LONP1: variants seen among roughly 807,000 people sequenced by gnomAD.
LONP1 encodes lon peptidase 1, mitochondrial, also known as lon protease homolog, mitochondrial.
Under a neutral mutation model 98.5 loss-of-function variants are expected in LONP1, and 31 were observed. The observed-to-expected ratio is 0.31, with a 90% CI of 0.24 to 0.42. LONP1 has a LOEUF of 0.42. Ranked by LOEUF, LONP1 falls within the 20% of genes least tolerant of loss-of-function variation. The pLI is 1.00. For synonymous variants in LONP1, 781 were observed against 594.7 expected (o/e 1.31, Z -4.56); for missense variants, 1,336 against 1,350.6 (o/e 0.99, Z 0.17).
chr19:5,693,661 A>G lies in LONP1; in HGVS notation c.2429T>C (p.Met810Thr). The change falls in exon 16 of 18, where the codon ATG becomes ACG. Residue 810 changes from methionine (M) to threonine (T), a missense_variant. Transcript: ENST00000360614. ...GTAGGCTATGCGGGCGCTCTCCTTC[A>G]TCACCTCCCCCAGCTGGCCTGTCAC... Reference protein sequence around the residue: ...LEVTGQLGEVMKESARIAYTF... With the variant: ...LEVTGQLGEVTKESARIAYTF... 2 of 1,613,960 alleles carry G rather than the reference A, an allele frequency of 1.2e-6. No homozygotes were observed. The highest frequency in any genetic ancestry group is 1.7e-6 in the Non-Finnish European group (2 of 1,179,950).
chr19:5,708,155 T>TGAGTCGGCCCCGGGCCTCCC (rs2055177670), intron 5 of LONP1, 187 bp downstream of exon 5: 1 of 632,570 alleles, frequency 1.6e-6, no homozygotes, highest in Non-Finnish European at 2.7e-6. Context: ...CTGGGCCTGC[T>TGAGTCGGCCCCGGGCCTCCC]GAGTCGGCCC....
chr19:5,719,763 G>A lies in LONP1; in HGVS notation c.370C>T (p.Leu124=), dbSNP rs2055398452. ...PMTIPDVFPH[L]PLIAITRNPV... ...TTGCGGGTGATGGCGATGAGCGGCA[G>A]GTGCGGAAACACATCGGGGATCGTC... Residue 124 remains leucine (L), a synonymous_variant, in exon 1 of 18, where the codon CTG becomes TTG. Coordinates refer to ENST00000360614, the MANE Select transcript of LONP1 (RefSeq NM_004793.4). 14 of 1,613,674 alleles carry A rather than the reference G, an allele frequency of 8.7e-6. No homozygotes were observed. Among genetic ancestry groups the A allele is most frequent in the Non-Finnish European group, 1.1e-5 (13 of 1,180,002 alleles).
intron 10 of LONP1, among the ~76,000 whole-genome samples, chr19:5,698,116 T>C (rs1232514971): frequency 4.3e-5 from 3 of 69,574 alleles, no homozygotes; most frequent in South Asian, 9.9e-4. Flanking sequence ...AAAGCTGCAC[T>C]GGCCCCACCT....
intron 8 of LONP1, among the ~76,000 whole-genome samples, chr19:5,702,080 G>GGTGGGGA (rs2055058567): frequency 3.1e-5 from 4 of 127,334 alleles, no homozygotes; most frequent in African/African-American, 1.1e-4. Flanking sequence ...GGAGGTGGGG[G>GGTGGGGA]GGTCAGCCCC....
chr19:5,717,699 T>C (rs117207605), intron 1 of LONP1: 3,809 of 152,238 alleles, frequency 0.025, 63 homozygotes, highest in East Asian at 0.036. Flanking sequence ...ATGTCAGAAG[T>C]ACACCAAAGA....
intron 17 of LONP1, among the ~76,000 whole-genome samples, 161 bp downstream of exon 17, chr19:5,693,137 G>A (rs1315364319): frequency 6.6e-6 from 1 of 152,188 alleles, no homozygotes; most frequent in East Asian, 1.9e-4. Context: ...AGGCAGCTAG[G>A]GCGGTGAGCT....
At position 5,716,713 on chromosome 19, in the gene LONP1, C is replaced by T. The variant is rs141034290; in HGVS notation, c.430-2442G>A. Among the ~76,000 whole-genome samples the T allele has an allele frequency of 2.4e-3, 372 of 152,220 alleles. 8 individuals carry two copies. The East Asian group carries it at 0.026, about 11-fold the overall frequency. On this transcript the variant is annotated intron_variant, in intron 1 of 17. Coordinates refer to ENST00000360614, the MANE Select transcript of LONP1 (RefSeq NM_004793.4). ...GCATTTGGACAAAAAGTTTTCTTAG[C>T]AAGACAATTTTACTTTCTGAAGAAA...
chr19:5,692,057 G>T lies in LONP1; in HGVS notation c.2855C>A (p.Ala952Glu). ...IFDIAFPDEQ[A>E]EALAVER ...TCACCGTTCCACGGCCAGCGCCTCTGCCTGCTCGTCCGGGAAGGCGATGTC... is the reference window on the plus strand; with the variant it reads ...TCACCGTTCCACGGCCAGCGCCTCTTCCTGCTCGTCCGGGAAGGCGATGTC... Residue 952 changes from alanine to glutamate, a missense_variant, in exon 18 of 18, where the codon GCA (alanine) becomes GAA (glutamate). Transcript: ENST00000360614. 3 of 1,613,786 alleles carry T rather than the reference G, an allele frequency of 1.9e-6. No homozygotes were observed. Among genetic ancestry groups the T allele is most frequent in the South Asian group, 1.1e-5 (1 of 91,068 alleles).
intron 1 of LONP1, among the ~76,000 whole-genome samples, chr19:5,718,885 T>G (rs2055371688): frequency 6.6e-6 from 1 of 152,114 alleles, no homozygotes; most frequent in Non-Finnish European, 1.5e-5. Context: ...CTCTACAGTA[T>G]TCTCAGAACT....
At chr19:5,718,618 C>T (rs775887762) in intron 1 of LONP1, among the ~76,000 whole-genome samples, 3 of 151,920 alleles carry the variant, frequency 2.0e-5, no homozygotes, top group Non-Finnish European at 4.4e-5. Context: ...GGAGAGTGAG[C>T]GCAGAGGCTG....
At chr19:5,709,665 T>C (rs1419384048) in intron 4 of LONP1, among the ~76,000 whole-genome samples, 1 of 151,898 alleles carries the variant, frequency 6.6e-6, no homozygotes, top group Non-Finnish European at 1.5e-5. Context: ...ACCCCAGCAC[T>C]TTGGGATGCT....
At chr19:5,710,590 C>T (rs1218664262) in intron 4 of LONP1, among the ~76,000 whole-genome samples, 1 of 151,978 alleles carries the variant, frequency 6.6e-6, no homozygotes, top group Non-Finnish European at 1.5e-5. Flanking sequence ...ATTGCCCAGG[C>T]TGGTTTTGAA....
intron 9 of LONP1, among the ~76,000 whole-genome samples, chr19:5,700,135 C>T (rs887355900): frequency 6.6e-6 from 1 of 151,844 alleles, no homozygotes; most frequent in Admixed American, 6.6e-5. Flanking sequence ...CTTTTTGAGA[C>T]GGAGTTTCAC....
At chr19:5,713,298 G>A (rs769820379) in intron 2 of LONP1, 45 bp from the exon 3 acceptor site, 14 of 1,610,814 alleles carry the variant, frequency 8.7e-6, no homozygotes, top group African/African-American at 8.0e-5. Flanking sequence ...TGGCTTTCAT[G>A]CTAGGCAGGA....
intron 5 of LONP1, among the ~76,000 whole-genome samples, 156 bp downstream of exon 5, chr19:5,708,186 T>C (rs1030621633): frequency 1.3e-5 from 2 of 152,222 alleles, no homozygotes; most frequent in South Asian, 4.1e-4. Context: ...ACCTGCCCCA[T>C]GCCCCAGTGG....
intron 14 of LONP1, 95 bp downstream of exon 14, chr19:5,694,666 C>CGGGGTGGTGGGGTGATGGGCGT: frequency 2.4e-5 from 38 of 1,563,714 alleles, no homozygotes; most frequent in Non-Finnish European, 3.2e-5. Context: ...GTGATGGGCG[C>CGGGGTGGTGGGGTGATGGGCGT]AGGAAAGTGG....
intron 2 of LONP1, 123 bp from the exon 3 acceptor site, chr19:5,713,376 A>G: frequency 4.0e-6 from 5 of 1,264,166 alleles, no homozygotes; most frequent in Non-Finnish European, 5.6e-6. Flanking sequence ...GAAAACCAAG[A>G]GCGGCCTCCT....
At chr19:5,697,625 G>A (rs148023552) in intron 10 of LONP1, among the ~76,000 whole-genome samples, 3 of 150,940 alleles carry the variant, frequency 2.0e-5, no homozygotes, top group African/African-American at 7.3e-5. Context: ...GGTCATGCGG[G>A]GTCCTGTGGG....
chr19:5,704,445 G>A (rs1182450674), intron 8 of LONP1, among the ~76,000 whole-genome samples: 5 of 152,202 alleles, frequency 3.3e-5, no homozygotes, highest in East Asian at 1.9e-4. Context: ...GAGAGACTCC[G>A]GCGACCGTGA....
Sources: allele counts gnomAD v4.1 joint callset (sites outside exome capture counted in the v4.1 genomes callset), GRCh38; gene constraint gnomAD v4.1.1; transcripts MANE v1.5; gene names NCBI Gene and HGNC (gene_info 2026-07-23, HGNC 2026-07-21).